The following TPST1 variants were observed in gnomAD, a reference collection of about 807,000 sequenced individuals.
The protein encoded by TPST1 is tyrosylprotein sulfotransferase 1, also known as protein-tyrosine sulfotransferase 1.
A neutral mutation model predicts 34.8 loss-of-function variants in TPST1; 20 were observed. That is an observed-to-expected ratio of 0.57 (90% CI 0.40 to 0.84). The LOEUF is 0.84. Among genes scored for constraint, TPST1 ranks in the 40% least tolerant of loss-of-function variants. The pLI is 0.00. For missense variants in TPST1, 353 were observed against 455.5 expected (o/e 0.78, Z 2.05); for synonymous variants, 152 against 159.4 (o/e 0.95, Z 0.35).
rs1254800432 is a variant in TPST1 at position 66,205,536 on chromosome 7, G to GGCGCT, written c.-102+15_-102+19dup. On this transcript the variant is annotated intron_variant, in intron 1 of 5. Coordinates refer to ENST00000304842, the MANE Select transcript of TPST1 (RefSeq NM_003596.4). This position sits in a 1 kb window ranked among gnomAD's most constrained non-coding sequence, Gnocchi z 5.0. ...CACTCATCCCAGGTAAGGGGGACGC[G>GGCGCT]GCGCTCGCTGCGGCTCCGCTCCCCT... 6.6e-6 allele frequency: 1 copy of GGCGCT among 152,488 alleles called. No individual in the cohort carries two copies. Among genetic ancestry groups the GGCGCT allele is most frequent in the African/African-American group, 2.4e-5 (1 of 41,440 alleles). The allele number at this position is 152,488 out of a possible 1,614,324, so 9.4% of individuals were successfully genotyped here. A position where few individuals can be genotyped will look rare whatever the true frequency, so the allele number is the denominator to read the frequency against.
chr7:66,355,902 CAAAA>C (rs573200695), intron 4 of TPST1, among the ~76,000 whole-genome samples: 5 of 56,890 alleles, frequency 8.8e-5, no homozygotes, highest in Admixed American at 2.2e-4. Flanking sequence ...AAGACTCCAT[CAAAA>C]AAAAAAAAAA....
chr7:66,231,529 T>C (rs1789792760), intron 1 of TPST1, among the ~76,000 whole-genome samples: 1 of 152,188 alleles, frequency 6.6e-6, no homozygotes, highest in Admixed American at 6.5e-5. Flanking sequence ...AAGTCCCAGC[T>C]AAGGCTGGCA....
chr7:66,299,029 G>A (rs973789013), intron 3 of TPST1, among the ~76,000 whole-genome samples: 6 of 151,914 alleles, frequency 3.9e-5, no homozygotes, highest in African/African-American at 1.5e-4. Context: ...GGGAGGCTGA[G>A]GCAGGAGAAT....
At chr7:66,320,451 G>A (rs1199643321) in intron 3 of TPST1, among the ~76,000 whole-genome samples, 4 of 151,410 alleles carry the variant, frequency 2.6e-5, no homozygotes, top group Non-Finnish European at 5.9e-5. Flanking sequence ...GTTTCACCAT[G>A]TTAGCCAGGA....
At chr7:66,203,543 T>C (rs1334683641), upstream of TPST1, among the ~76,000 whole-genome samples, 1 of 151,136 alleles carries the variant, frequency 6.6e-6, no homozygotes, top group Non-Finnish European at 1.5e-5. Context: ...TGGAGTGCAG[T>C]GGCACAATCT....
At chr7:66,289,254 T>G (rs1160801323) in intron 3 of TPST1, among the ~76,000 whole-genome samples, 1 of 57,122 alleles carries the variant, frequency 1.8e-5, no homozygotes, top group Non-Finnish European at 3.3e-5. Context: ...TGGATTCAGT[T>G]TGCCAGTATT....
At chr7:66,254,226 T>C (rs1483732035) in intron 2 of TPST1, among the ~76,000 whole-genome samples, 1 of 152,190 alleles carries the variant, frequency 6.6e-6, no homozygotes, top group African/African-American at 2.4e-5. Flanking sequence ...TATTAAGCCA[T>C]TCTATCCATA....
intron 1 of TPST1, among the ~76,000 whole-genome samples, chr7:66,219,068 T>G (rs1789485523): frequency 6.8e-6 from 1 of 146,954 alleles, no homozygotes; most frequent in Admixed American, 6.8e-5. Context: ...TTTTTTTTTT[T>G]GGTATTTTTA....
chr7:66,231,802 G>T (rs920865412), intron 1 of TPST1, among the ~76,000 whole-genome samples: 1 of 152,238 alleles, frequency 6.6e-6, no homozygotes, highest in African/African-American at 2.4e-5. Context: ...GCAGCGGTGG[G>T]CTGAAGGGCT....
chr7:66,220,330 T>A (rs185795209), intron 1 of TPST1, among the ~76,000 whole-genome samples: 2 of 152,270 alleles, frequency 1.3e-5, no homozygotes, highest in East Asian at 3.9e-4. Context: ...TAGAATCTAA[T>A]TACAGCCATA....
intron 3 of TPST1, among the ~76,000 whole-genome samples, chr7:66,328,544 T>G (rs1791918052): frequency 6.6e-6 from 1 of 150,442 alleles, no homozygotes; most frequent in Non-Finnish European, 1.5e-5. Context: ...AATGAAATAG[T>G]TTTTTTTTGT....
chr7:66,209,588 G>A (rs770955238), intron 1 of TPST1, among the ~76,000 whole-genome samples: 3 of 152,130 alleles, frequency 2.0e-5, no homozygotes, highest in Admixed American at 6.5e-5. Context: ...CTCTTTCTCC[G>A]TGGAATGCGT....
intron 3 of TPST1, among the ~76,000 whole-genome samples, chr7:66,307,700 T>C (rs376631202): frequency 6.6e-6 from 1 of 152,210 alleles, no homozygotes; most frequent in Non-Finnish European, 1.5e-5. Flanking sequence ...CACTTAGCCA[T>C]GATTGTTGCC....
intron 4 of TPST1, among the ~76,000 whole-genome samples, chr7:66,356,581 T>G (rs982369053): frequency 6.6e-6 from 1 of 152,106 alleles, no homozygotes; most frequent in Admixed American, 6.6e-5. Context: ...CCAGATGTGA[T>G]CCAAGGGCAT....
chr7:66,354,220 C>T (rs1015724981), intron 4 of TPST1, among the ~76,000 whole-genome samples: 5 of 152,080 alleles, frequency 3.3e-5, no homozygotes, highest in Admixed American at 3.3e-4. Flanking sequence ...GCATGATGTC[C>T]CAGAAACCTG....
chr7:66,246,179 ATTTTTTTTTT>A (rs35051150), intron 2 of TPST1, among the ~76,000 whole-genome samples: 43 of 92,392 alleles, frequency 4.7e-4, no homozygotes, highest in African/African-American at 4.6e-4. Context: ...TGCCTGGCTA[ATTTTTTTTTT>A]TTTTTTTTTT....
intron 1 of TPST1, among the ~76,000 whole-genome samples, chr7:66,221,442 G>A (rs955850879): frequency 4.6e-5 from 7 of 152,152 alleles, no homozygotes; most frequent in Admixed American, 2.6e-4. Context: ...GACCAATGGA[G>A]GAAAGGGAAG....
intron 1 of TPST1, among the ~76,000 whole-genome samples, chr7:66,215,493 G>A (rs1789377094): frequency 6.6e-6 from 1 of 151,032 alleles, no homozygotes; most frequent in African/African-American, 2.4e-5. Flanking sequence ...TCCTTCCTCA[G>A]CCTCCTGAGT....
At position 66,240,341 on chromosome 7, in the gene TPST1, T is replaced by C; in HGVS notation, c.-85T>C. 1 of 1,472,888 alleles carries C rather than the reference T, an allele frequency of 6.8e-7. No individual in the cohort carries two copies. Among genetic ancestry groups the C allele is most frequent in the Non-Finnish European group, 9.1e-7 (1 of 1,104,658 alleles). The allele number at this position is 1,472,888 out of a possible 1,614,324, so 91.2% of individuals were successfully genotyped here. ...CTCTACTAGATGTTGGTTATCTTTC[T>C]GAAGTAGACTGTCCATGGCCTGAAC... On this transcript the variant is annotated 5_prime_UTR_variant, in exon 2 of 6. Transcript: ENST00000304842.
Sources: allele counts gnomAD v4.1 joint callset (sites outside exome capture counted in the v4.1 genomes callset), GRCh38; gene constraint gnomAD v4.1.1; non-coding constraint Gnocchi (gnomAD v3.1); transcripts MANE v1.5; gene names NCBI Gene and HGNC (gene_info 2026-07-23, HGNC 2026-07-21).